The following PAX3 variants were observed in gnomAD, a reference collection of about 807,000 sequenced individuals.
PAX3 encodes the protein paired box protein Pax-3.
PAX3 carries 14 observed loss-of-function variants against 51.6 expected under a neutral mutation model. The observed-to-expected ratio is 0.27, with a 90% confidence interval of 0.18 to 0.42. PAX3 has a LOEUF of 0.42. Ranked by LOEUF, PAX3 falls within the 10% of genes least tolerant of loss-of-function variation. The pLI is 1.00. For synonymous variants in PAX3, 280 were observed against 253.4 expected (o/e 1.11, Z -1.00); for missense variants, 540 against 642.8 (o/e 0.84, Z 1.73).
In PAX3 at chr2:222,201,238, C is replaced by A; in HGVS notation, c.*170G>T. ...GAACGTGTTCAAAAGGATTTGAAACCAACTATTGGAGGAAGAAAATCAATC... is the reference window on the plus strand; with the variant it reads ...GAACGTGTTCAAAAGGATTTGAAACAAACTATTGGAGGAAGAAAATCAATC... On this transcript the variant is annotated 3_prime_UTR_variant, in exon 9 of 9. Transcript: ENST00000392070. The A allele has an allele frequency of 6.2e-7, 1 of 1,613,948 alleles. No individual in the cohort carries two copies. Among genetic ancestry groups the A allele is most frequent in the Non-Finnish European group, 8.5e-7 (1 of 1,179,976 alleles).
chr2:222,202,852 T>G (rs1691353823), intron 7 of PAX3, among the ~76,000 whole-genome samples: 1 of 151,442 alleles, frequency 6.6e-6, no homozygotes, highest in African/African-American at 2.4e-5. Context: ...CTTTGACTGG[T>G]GAGAGCTTTG....
intron 7 of PAX3, among the ~76,000 whole-genome samples, chr2:222,212,762 A>T (rs1449439686): frequency 1.3e-5 from 2 of 152,202 alleles, no homozygotes; most frequent in Non-Finnish European, 2.9e-5. Context: ...ATTTCTGAAG[A>T]TATTGCCATT....
intron 4 of PAX3, chr2:222,242,418 A>G (rs1693050206): frequency 6.6e-6 from 1 of 152,172 alleles, no homozygotes; most frequent in Non-Finnish European, 1.5e-5. Context: ...TTCCCTGCGA[A>G]GTCCTTGCTG....
At chr2:222,257,738 A>G (rs1693700217) in intron 4 of PAX3, among the ~76,000 whole-genome samples, 2 of 152,204 alleles carry the variant, frequency 1.3e-5, no homozygotes, top group South Asian at 4.1e-4. Flanking sequence ...CGCATCTGAC[A>G]GCAGGGCAGA....
At position 222,201,304 on chromosome 2, in the gene PAX3, C is replaced by T. The variant is rs1458771996; in HGVS notation, c.*104G>A. 1.2e-6 allele frequency: 2 copies of T among 1,612,884 alleles called. No individual in the cohort carries two copies. The highest frequency in any genetic ancestry group is 1.1e-5 in the South Asian group (1 of 91,050). On this transcript the variant is annotated 3_prime_UTR_variant, in exon 9 of 9. Coordinates refer to ENST00000392070, the MANE Select transcript of PAX3 (RefSeq NM_181458.4). Reference sequence around the variant, plus strand: ...CTATTGGGACCACTGCCCCACCCCCCCCAACAAAAGGGTAATTTTTTTTTG... The same window carrying T: ...CTATTGGGACCACTGCCCCACCCCCTCCAACAAAAGGGTAATTTTTTTTTG...
chr2:222,202,808 C>T (rs186715192), intron 7 of PAX3, among the ~76,000 whole-genome samples: 4 of 150,482 alleles, frequency 2.7e-5, no homozygotes, highest in Admixed American at 6.6e-5. Flanking sequence ...TTTATTTACC[C>T]CTCCCACTGT....
At chr2:222,218,873 A>T (rs1209024940) in intron 7 of PAX3, among the ~76,000 whole-genome samples, 1 of 152,194 alleles carries the variant, frequency 6.6e-6, no homozygotes, top group Non-Finnish European at 1.5e-5. Flanking sequence ...TGTTACAAAA[A>T]AGGATTTATG....
At chr2:222,263,454 A>G (rs1427606864) in intron 4 of PAX3, 1 of 152,202 alleles carries the variant, frequency 6.6e-6, no homozygotes, top group Non-Finnish European at 1.5e-5. Flanking sequence ...GAATGGCAAA[A>G]TAAAAAAATA....
intron 4 of PAX3, among the ~76,000 whole-genome samples, chr2:222,252,165 A>T (rs66926747): frequency 0.12 from 17,648 of 152,210 alleles, 1,250 homozygotes; most frequent in East Asian, 0.32. Flanking sequence ...ATGCTCATCC[A>T]TTCCTATATT....
In PAX3 at chr2:222,200,428, G is replaced by A. The variant is rs373311979; in HGVS notation, c.*980C>T. On this transcript the variant is annotated 3_prime_UTR_variant, in exon 9 of 9. Coordinates refer to ENST00000392070, the MANE Select transcript of PAX3 (RefSeq NM_181458.4). Reference sequence around the variant, plus strand: ...AATCAAAGGAGCAACCCGGGTGTTGGTTGTCCAGCAAATGGCAAACATCAC... The same window carrying A: ...AATCAAAGGAGCAACCCGGGTGTTGATTGTCCAGCAAATGGCAAACATCAC... 15 of 229,480 alleles carry A rather than the reference G, an allele frequency of 6.5e-5. 1 individual carries two copies. Among genetic ancestry groups the A allele is most frequent in the Non-Finnish European group, 1.2e-4 (14 of 115,538 alleles). 14.2% of individuals were successfully genotyped at this position (229,480 alleles called of 1,614,324 possible).
intron 4 of PAX3, among the ~76,000 whole-genome samples, chr2:222,265,585 G>A (rs13418504): frequency 1.7e-4 from 25 of 150,976 alleles, no homozygotes; most frequent in Non-Finnish European, 2.8e-4. Context: ...GCCTGGAGGC[G>A]GAGCTTGCAG....
chr2:222,258,422 G>A (rs1693727877), intron 4 of PAX3, among the ~76,000 whole-genome samples: 1 of 148,512 alleles, frequency 6.7e-6, no homozygotes, highest in South Asian at 2.2e-4. Flanking sequence ...AACCTAATAG[G>A]GTAATTTGAA....
chr2:222,207,708 C>G (rs1691565144), intron 7 of PAX3, among the ~76,000 whole-genome samples: 1 of 152,012 alleles, frequency 6.6e-6, no homozygotes, highest in Non-Finnish European at 1.5e-5. Context: ...TTTTGAATAC[C>G]TATTGCTCAA....
intron 4 of PAX3, chr2:222,293,604 T>G: frequency 6.2e-7 from 1 of 1,609,938 alleles, no homozygotes; most frequent in Non-Finnish European, 8.5e-7. Context: ...CCCCTCACAT[T>G]TGAAAATCAA....
In PAX3 at chr2:222,221,407, T is replaced by C. The variant is rs750682948; in HGVS notation, c.793-20A>G. The stretch of plus-strand genomic sequence containing the variant: ...CCAGACCTATGGATTTAATTTAAAA[T>C]TTAAGGATTTCACTGATGAAATAAT... On this transcript the variant is annotated intron_variant, in intron 5 of 8. Transcript: ENST00000392070. 6.2e-7 allele frequency: 1 copy of C among 1,608,468 alleles called. No homozygotes were observed. The highest frequency in any genetic ancestry group is 8.5e-7 in the Non-Finnish European group (1 of 1,174,914).
chr2:222,242,404 CCT>C (rs1225201834), intron 4 of PAX3: 5 of 152,066 alleles, frequency 3.3e-5, no homozygotes, highest in African/African-American at 1.2e-4. Flanking sequence ...CCGCCCAATC[CCT>C]GTTCCCTGCG....
chr2:222,245,790 T>C (rs1258751984), intron 4 of PAX3, among the ~76,000 whole-genome samples: 3 of 139,612 alleles, frequency 2.1e-5, no homozygotes, highest in Non-Finnish European at 4.6e-5. Context: ...GCCAACATGG[T>C]GAAACCCCAT....
chr2:222,234,509 G>A (rs538802719), intron 4 of PAX3, among the ~76,000 whole-genome samples: 9 of 152,234 alleles, frequency 5.9e-5, no homozygotes, highest in Admixed American at 2.6e-4. Context: ...AATTTGTGCC[G>A]AGTCATAGAA....
chr2:222,230,122 G>A (rs1190087731), intron 5 of PAX3, among the ~76,000 whole-genome samples: 1 of 151,926 alleles, frequency 6.6e-6, no homozygotes, highest in Non-Finnish European at 1.5e-5. Flanking sequence ...GCTTCAGTGA[G>A]CTGTGATTGT....
Sources: gnomAD v4.1 joint callset for allele counts (sites outside exome capture counted in the v4.1 genomes callset) on GRCh38, gnomAD v4.1.1 for gene constraint, MANE v1.5 for transcripts, NCBI Gene and HGNC (gene_info 2026-07-23, HGNC 2026-07-21) for gene names.